The following GRIK1 variants were observed in gnomAD, a reference collection of about 807,000 sequenced individuals.
GRIK1 encodes the protein glutamate ionotropic receptor kainate type subunit 1, also known as glutamate receptor ionotropic, kainate 1.
A neutral mutation model predicts 105.7 loss-of-function variants in GRIK1; 69 were observed. The ratio of observed to expected loss-of-function variants is 0.65; its 90% CI spans 0.54 to 0.80. GRIK1 has a LOEUF of 0.80. Ranked by LOEUF, GRIK1 falls within the 30% of genes least tolerant of loss-of-function variation. The probability of loss-of-function intolerance (pLI) is 0.00; values close to 1 mark genes in which losing one functional copy is unlikely to be tolerated. For synonymous variants in GRIK1, 438 were observed against 431.3 expected (o/e 1.02, Z -0.19); for missense variants, 1,109 against 1,167.3 (o/e 0.95, Z 0.73).
rs548130429 is a variant in GRIK1, at chr21:29,867,797, GAAGA to G, written c.118+71582_118+71585del. ...CAATAAGAGTGAAACTATGTCGAAA[GAAGA>G]AAGAAAGAAAGAAAGAATGAAAGAA... On this transcript the variant is annotated intron_variant, in intron 1 of 17. Coordinates refer to ENST00000327783, the MANE Select transcript of GRIK1 (RefSeq NM_001330994.2). 1.7e-3 allele frequency among the ~76,000 whole-genome samples: 234 copies of G among 137,212 alleles called. 1 individual carries two copies. Among genetic ancestry groups the G allele is most frequent in the African/African-American group, 4.2e-3 (150 of 35,370 alleles). 90.0% of individuals were successfully genotyped at this position (137,212 alleles called of 152,430 possible). A position where few individuals can be genotyped will look rare whatever the true frequency, so the allele number is the denominator to read the frequency against.
At position 29,801,890 on chromosome 21, in the gene GRIK1, T is replaced by C. The variant is rs555884566; in HGVS notation, c.119-107827A>G. On this transcript the variant is annotated intron_variant, in intron 1 of 17. Transcript: ENST00000327783. ...TTTTTTCTTTTCTTTTTTTCTTTTG[T>C]AGAGATAAGCATCCATTATGTCTCA... Among the ~76,000 whole-genome samples the C allele has an allele frequency of 2.6e-5, 4 of 152,126 alleles. No individual in the cohort carries two copies. The South Asian group carries it at 6.2e-4, about 24-fold the overall frequency.
intron 7 of GRIK1, among the ~76,000 whole-genome samples, chr21:29,624,388 A>G (rs1170064187): frequency 6.6e-6 from 1 of 152,168 alleles, no homozygotes; most frequent in Non-Finnish European, 1.5e-5. Context: ...GGTATAAGAT[A>G]TTTAGAAGGG....
intron 1 of GRIK1, among the ~76,000 whole-genome samples, chr21:29,794,860 C>T (rs2066513887): frequency 1.3e-5 from 2 of 151,938 alleles, no homozygotes; most frequent in South Asian, 4.2e-4. Flanking sequence ...TTCATTCACT[C>T]CATTTACTCT....
intron 1 of GRIK1, among the ~76,000 whole-genome samples, chr21:29,729,523 A>G (rs1177204594): frequency 6.6e-6 from 1 of 152,214 alleles, no homozygotes; most frequent in Non-Finnish European, 1.5e-5. Context: ...TCAGATGATC[A>G]GTGAACAACA....
At chr21:29,900,429 T>A (rs2070352066) in intron 1 of GRIK1, among the ~76,000 whole-genome samples, 1 of 116,196 alleles carries the variant, frequency 8.6e-6, no homozygotes. Flanking sequence ...AATAAAGGGA[T>A]GAAGGAAGAT....
intron 1 of GRIK1, among the ~76,000 whole-genome samples, chr21:29,840,037 C>T (rs1299401015): frequency 1.3e-5 from 2 of 152,104 alleles, no homozygotes; most frequent in African/African-American, 4.8e-5. Context: ...GTATGGACTT[C>T]CTTTTCCTTG....
intron 3 of GRIK1, among the ~76,000 whole-genome samples, chr21:29,679,868 T>C (rs2063338573): frequency 6.6e-6 from 1 of 152,204 alleles, no homozygotes; most frequent in South Asian, 2.1e-4. Flanking sequence ...GTTTTTATCC[T>C]CCATTTAAAA....
intron 1 of GRIK1, among the ~76,000 whole-genome samples, chr21:29,891,023 A>G (rs2069877700): frequency 6.6e-6 from 1 of 152,150 alleles, no homozygotes; most frequent in African/African-American, 2.4e-5. Flanking sequence ...GCCACACAAA[A>G]TCTCTGATAT....
intron 15 of GRIK1, among the ~76,000 whole-genome samples, chr21:29,560,303 CTTT>C (rs1231567505): frequency 3.1e-4 from 33 of 105,394 alleles, no homozygotes; most frequent in African/African-American, 1.3e-3. Flanking sequence ...TTCTTTCTTT[CTTT>C]CTTTCTTTCT....
intron 1 of GRIK1, among the ~76,000 whole-genome samples, chr21:29,888,205 CT>C (rs2069739329): frequency 1.6e-5 from 1 of 62,532 alleles, no homozygotes; most frequent in Non-Finnish European, 3.4e-5. Context: ...TTCTCTCTCT[CT>C]CTCTCTCTCT....
chr21:29,935,202 G>A (rs1476126549), intron 1 of GRIK1, among the ~76,000 whole-genome samples: 1 of 152,150 alleles, frequency 6.6e-6, no homozygotes, highest in Admixed American at 6.6e-5. Flanking sequence ...TAATAGATCA[G>A]TGGCAGAACA....
intron 1 of GRIK1, among the ~76,000 whole-genome samples, chr21:29,776,598 G>A (rs992968895): frequency 1.3e-5 from 2 of 152,194 alleles, no homozygotes; most frequent in African/African-American, 2.4e-5. Context: ...TGTGGAACAA[G>A]TGGATGGTAT....
At chr21:29,585,484 T>A (rs2091111169) in intron 12 of GRIK1, among the ~76,000 whole-genome samples, 1 of 152,182 alleles carries the variant, frequency 6.6e-6, no homozygotes, top group South Asian at 2.1e-4. Context: ...AGTCATGTAA[T>A]AAACAATGTA....
chr21:29,842,954 G>A (rs2068020374), intron 1 of GRIK1, among the ~76,000 whole-genome samples: 1 of 152,094 alleles, frequency 6.6e-6, no homozygotes, highest in Non-Finnish European at 1.5e-5. Context: ...ATATAGTAAA[G>A]GATATTTGAG....
At chr21:29,573,876 A>T (rs1011176430) in intron 14 of GRIK1, among the ~76,000 whole-genome samples, 16 of 150,094 alleles carry the variant, frequency 1.1e-4, no homozygotes, top group Non-Finnish European at 2.2e-4. Context: ...AAAAAAAGTG[A>T]CACTTTGTCA....
chr21:29,772,959 C>G (rs1348846188), intron 1 of GRIK1, among the ~76,000 whole-genome samples: 1 of 151,984 alleles, frequency 6.6e-6, no homozygotes, highest in Admixed American at 6.6e-5. Context: ...ATTTTTTAAC[C>G]TGTATTGCTC....
intron 7 of GRIK1, among the ~76,000 whole-genome samples, chr21:29,631,154 TA>T (rs1601325364): frequency 6.6e-6 from 1 of 152,174 alleles, no homozygotes; most frequent in East Asian, 1.9e-4. Flanking sequence ...ATTATGCTGG[TA>T]AAGCTAAAAA....
rs538496431 is a variant in GRIK1 at position 29,822,158 on chromosome 21, G to A, written c.118+117225C>T. Among the ~76,000 whole-genome samples, 13 of 152,142 alleles carry A rather than the reference G, an allele frequency of 8.5e-5. No homozygotes were observed. In the South Asian group the frequency reaches 2.7e-3, roughly 32 times the overall value. On this transcript the variant is annotated intron_variant, in intron 1 of 17. Transcript: ENST00000327783. ...TGTAAATGGTTGCATAGCATATATT[G>A]TAGAGTCTCTGGGCCATACAGTCAC...
At chr21:29,589,994 C>T (rs3026027) in intron 10 of GRIK1, among the ~76,000 whole-genome samples, 10 of 152,284 alleles carry the variant, frequency 6.6e-5, no homozygotes, top group Admixed American at 2.0e-4. Context: ...TGCTTATATA[C>T]GTGCATCATC....
Sources: gnomAD v4.1 joint callset for allele counts (sites outside exome capture counted in the v4.1 genomes callset) on GRCh38, gnomAD v4.1.1 for gene constraint, MANE v1.5 for transcripts, NCBI Gene and HGNC (gene_info 2026-07-23, HGNC 2026-07-21) for gene names.